The following TTBK2 variants were observed in gnomAD, a reference collection of about 807,000 sequenced individuals.
TTBK2 encodes tau tubulin kinase 2.
A neutral mutation model predicts 110.8 loss-of-function variants in TTBK2; 28 were observed. The observed-to-expected ratio is 0.25, with a 90% CI of 0.19 to 0.35. The LOEUF is 0.35. Ranked by LOEUF, TTBK2 falls within the 10% of genes least tolerant of loss-of-function variation. The pLI is 1.00. For synonymous variants in TTBK2, 532 were observed against 527.3 expected (o/e 1.01, Z -0.12); for missense variants, 1,369 against 1,500.3 (o/e 0.91, Z 1.45).
At chr15:42,805,046 G>C (rs909696229) in intron 9 of TTBK2, among the ~76,000 whole-genome samples, 3 of 152,186 alleles carry the variant, frequency 2.0e-5, no homozygotes, top group African/African-American at 7.2e-5. Flanking sequence ...AACATAGTGT[G>C]ACTCTATTGT....
At chr15:42,806,124 G>A (rs1743100531) in intron 9 of TTBK2, among the ~76,000 whole-genome samples, 1 of 152,134 alleles carries the variant, frequency 6.6e-6, no homozygotes, top group Non-Finnish European at 1.5e-5. Flanking sequence ...AATTGGCTGG[G>A]CATGGTGGCA....
At position 42,801,400 on chromosome 15, in the gene TTBK2, C is replaced by T. The variant is rs112227306; in HGVS notation, c.823-6599G>A. 2.9e-3 allele frequency: 3,532 copies of T among 1,208,656 alleles called. 65 individuals carry two copies. The African/African-American group carries it at 0.044, about 15-fold the overall frequency. The allele number at this position is 1,208,656 out of a possible 1,614,324, so 74.9% of individuals were successfully genotyped here. Reference sequence around the variant, plus strand: ...TTAATGGCTAGCTCCCCACGCTGCTCGGTATCTGCGTGGCAGCCTCCAGGG... The same window carrying T: ...TTAATGGCTAGCTCCCCACGCTGCTTGGTATCTGCGTGGCAGCCTCCAGGG... On this transcript the variant is annotated intron_variant, in intron 9 of 14. Transcript: ENST00000267890.
chr15:42,788,542 TG>T (rs955345301), intron 10 of TTBK2, among the ~76,000 whole-genome samples: 9 of 152,320 alleles, frequency 5.9e-5, no homozygotes, highest in African/African-American at 2.2e-4. Flanking sequence ...ATCCTGCAGT[TG>T]TTGTTTCCCA....
At chr15:42,834,013 AAAAACAAAAC>A (rs577793202) in intron 4 of TTBK2, among the ~76,000 whole-genome samples, 1 of 151,766 alleles carries the variant, frequency 6.6e-6, no homozygotes, top group East Asian at 1.9e-4. Context: ...TCTGTCTCAA[AAAAACAAAAC>A]AAAACAAAAC....
At chr15:42,867,175 C>T (rs1415428427) in intron 3 of TTBK2, among the ~76,000 whole-genome samples, 2 of 148,830 alleles carry the variant, frequency 1.3e-5, no homozygotes, top group African/African-American at 2.5e-5. Context: ...ACCTGGGAGG[C>T]GGAGCTTGCA....
At chr15:42,877,909 A>C (rs1235093332) in intron 2 of TTBK2, among the ~76,000 whole-genome samples, 1 of 151,992 alleles carries the variant, frequency 6.6e-6, no homozygotes, top group Non-Finnish European at 1.5e-5. Context: ...TCTGGGAGAG[A>C]GATGAAACAA....
intron 1 of TTBK2, among the ~76,000 whole-genome samples, chr15:42,917,509 C>G (rs1223421512): frequency 6.6e-6 from 1 of 151,964 alleles, no homozygotes; most frequent in African/African-American, 2.4e-5. Flanking sequence ...TCCTTATGCT[C>G]AAAATTTAGT....
In TTBK2 at chr15:42,739,253, T is replaced by G. The variant is rs2061736131; in HGVS notation, c.*6542A>C. The G allele has an allele frequency of 6.6e-6, 1 of 152,188 alleles. No individual in the cohort carries two copies. The highest frequency in any genetic ancestry group is 1.5e-5 in the Non-Finnish European group (1 of 68,042). The allele number at this position is 152,188 out of a possible 1,614,324, so 9.4% of individuals were successfully genotyped here. A position where few individuals can be genotyped will look rare whatever the true frequency, so the allele number is the denominator to read the frequency against. ...CTCTGGAGGTATTTCAAAGAGTAGT[T>G]TCTCATCTCTCTGATTTCAGGAAGA... On this transcript the variant is annotated 3_prime_UTR_variant, in exon 15 of 15. Coordinates refer to ENST00000267890, the MANE Select transcript of TTBK2 (RefSeq NM_173500.4).
rs1409690597 is a variant in TTBK2, at chr15:42,739,412, T to C, written c.*6383A>G. ...AATAGCTCATTACTTCTAAGATGTATATCTAATTCAAAACTAGATGCTCCC... is the reference window on the plus strand; with the variant it reads ...AATAGCTCATTACTTCTAAGATGTACATCTAATTCAAAACTAGATGCTCCC... On this transcript the variant is annotated 3_prime_UTR_variant, in exon 15 of 15. Coordinates refer to ENST00000267890, the MANE Select transcript of TTBK2 (RefSeq NM_173500.4). 6.6e-6 allele frequency: 1 copy of C among 152,248 alleles called. No homozygotes were observed. Among genetic ancestry groups the C allele is most frequent in the East Asian group, 1.9e-4 (1 of 5,202 alleles). 9.4% of individuals were successfully genotyped at this position (152,248 alleles called of 1,614,324 possible). A position where few individuals can be genotyped will look rare whatever the true frequency, so the allele number is the denominator to read the frequency against.
intron 5 of TTBK2, among the ~76,000 whole-genome samples, chr15:42,828,750 A>C (rs1403845857): frequency 6.6e-6 from 1 of 151,846 alleles, no homozygotes; most frequent in East Asian, 1.9e-4. Flanking sequence ...ATTTTCCTAT[A>C]AGCATCATAA....
At chr15:42,772,559 G>A (rs956997963) in intron 13 of TTBK2, among the ~76,000 whole-genome samples, 11 of 152,086 alleles carry the variant, frequency 7.2e-5, no homozygotes, top group African/African-American at 2.4e-4. Context: ...GCTAAATTTG[G>A]GCTAATTTGT....
In TTBK2 at chr15:42,854,401, T is replaced by C. The variant is rs572518749; in HGVS notation, c.218-13968A>G. Among the ~76,000 whole-genome samples, 3 of 152,216 alleles carry C rather than the reference T, an allele frequency of 2.0e-5. No individual in the cohort carries two copies. In the South Asian group the frequency reaches 6.2e-4, roughly 31 times the overall value. On this transcript the variant is annotated intron_variant, in intron 3 of 14. Coordinates refer to ENST00000267890, the MANE Select transcript of TTBK2 (RefSeq NM_173500.4). ...AAATACAGCAAGTCCTCATTTAATG[T>C]CATTGAGAGGTTCTGGGCTTTAAGC...
At chr15:42,832,919 T>C (rs1892822747) in intron 4 of TTBK2, among the ~76,000 whole-genome samples, 1 of 152,128 alleles carries the variant, frequency 6.6e-6, no homozygotes, top group African/African-American at 2.4e-5. Flanking sequence ...TGTAAGTACA[T>C]TAATAAGTGA....
chr15:42,739,157 C>G lies in TTBK2; in HGVS notation c.*6638G>C, dbSNP rs1053407633. On this transcript the variant is annotated 3_prime_UTR_variant, in exon 15 of 15. Transcript: ENST00000267890. ...AGCACTCCATGTTTCTGCCGATACT[C>G]TGTCCTTGGTTGCCTGAGCAAAATT... 2.0e-5 allele frequency: 3 copies of G among 152,230 alleles called. No homozygotes were observed. Among genetic ancestry groups the G allele is most frequent in the Non-Finnish European group, 2.9e-5 (2 of 68,048 alleles). 9.4% of individuals were successfully genotyped at this position (152,230 alleles called of 1,614,324 possible). A position where few individuals can be genotyped will look rare whatever the true frequency, so the allele number is the denominator to read the frequency against.
intron 7 of TTBK2, among the ~76,000 whole-genome samples, 161 bp from the exon 8 acceptor site, chr15:42,811,941 T>C (rs1329603143): frequency 1.3e-5 from 2 of 152,062 alleles, no homozygotes; most frequent in Non-Finnish European, 2.9e-5. Context: ...TAAATTTACA[T>C]AGCTATACAG....
At chr15:42,854,385 A>C (rs750705242) in intron 3 of TTBK2, among the ~76,000 whole-genome samples, 26 of 152,230 alleles carry the variant, frequency 1.7e-4, no homozygotes, top group Non-Finnish European at 3.4e-4. Flanking sequence ...TAAATACAGC[A>C]AGTCCTCATT....
At position 42,739,973 on chromosome 15, in the gene TTBK2, C is replaced by G. The variant is rs956459907; in HGVS notation, c.*5822G>C. 1 of 151,984 alleles carries G rather than the reference C, an allele frequency of 6.6e-6. No homozygotes were observed. The highest frequency in any genetic ancestry group is 2.1e-4 in the South Asian group (1 of 4,794). 9.4% of individuals were successfully genotyped at this position (151,984 alleles called of 1,614,324 possible). ...GGTTTACTCAATGTTTTTAATTAGG[C>G]GAGTGAACACTTATGTACATAATAT... is the stretch of plus-strand genomic sequence containing the variant. On this transcript the variant is annotated 3_prime_UTR_variant, in exon 15 of 15. Transcript: ENST00000267890.
chr15:42,742,381 A>G lies in TTBK2; in HGVS notation c.*3414T>C, dbSNP rs1277128188. ...TCTGTCTGCCTAGGGCTTAACATTC[A>G]AAGATATTTATAATCTGTGTTTTAA... is the stretch of plus-strand genomic sequence containing the variant. On this transcript the variant is annotated 3_prime_UTR_variant, in exon 15 of 15. Coordinates refer to ENST00000267890, the MANE Select transcript of TTBK2 (RefSeq NM_173500.4). 6.6e-6 allele frequency: 1 copy of G among 152,220 alleles called. No individual in the cohort carries two copies. The highest frequency in any genetic ancestry group is 1.5e-5 in the Non-Finnish European group (1 of 68,026). 9.4% of individuals were successfully genotyped at this position (152,220 alleles called of 1,614,324 possible).
chr15:42,849,042 G>GTCA (rs1482628432), intron 3 of TTBK2, among the ~76,000 whole-genome samples: 7 of 151,974 alleles, frequency 4.6e-5, no homozygotes, highest in Non-Finnish European at 7.4e-5. Context: ...CAGCCTGTAT[G>GTCA]TCATTATTTC....
Sources: allele counts gnomAD v4.1 joint callset (sites outside exome capture counted in the v4.1 genomes callset), GRCh38; gene constraint gnomAD v4.1.1; transcripts MANE v1.5; gene names NCBI Gene and HGNC (gene_info 2026-07-23, HGNC 2026-07-21).